Variants in ADGRF1 observed in about 807,000 individuals in gnomAD.
ADGRF1 encodes the protein G protein-coupled receptor 110.
ADGRF1 carries 85 observed loss-of-function variants against 87.2 expected under a neutral mutation model. The observed-to-expected ratio is 0.97, with a 90% CI of 0.82 to 1.17. The LOEUF is 1.17. Ranked by LOEUF, ADGRF1 falls within the 50% of genes most tolerant of loss-of-function variation. The pLI, the probability that ADGRF1 is intolerant of heterozygous loss-of-function variation, is 0.00. For synonymous variants in ADGRF1, 430 were observed against 408.8 expected, an observed-to-expected ratio of 1.05 and a Z score of -0.63; for missense variants, 1,169 against 1,077.2, an observed-to-expected ratio of 1.09 and a Z score of -1.19.
chr6:47,019,365 G>C, intron 7 of ADGRF1: 1 of 985,242 alleles, frequency 1.0e-6, no homozygotes, highest in Non-Finnish European at 1.2e-6. Context: ...AGAACAACAT[G>C]TTTATAGCAA....
intron 1 of ADGRF1, among the ~76,000 whole-genome samples, 194 bp from the exon 2 acceptor site, chr6:47,029,298 A>G (rs114699385): frequency 3.8e-4 from 58 of 152,110 alleles, no homozygotes; most frequent in African/African-American, 1.3e-3. Context: ...CATCATTACA[A>G]ACTTACTAGA....
intron 1 of ADGRF1, among the ~76,000 whole-genome samples, chr6:47,038,100 A>T (rs899150464): frequency 6.6e-6 from 1 of 152,138 alleles, no homozygotes; most frequent in Non-Finnish European, 1.5e-5. Flanking sequence ...ACCTCAGGTG[A>T]TTCACCCGCC....
In ADGRF1 at chr6:47,009,901, T is replaced by C. The variant is rs570355288; in HGVS notation, c.1534A>G (p.Asn512Asp). 8.1e-6 allele frequency: 13 copies of C among 1,614,096 alleles called. No homozygotes were observed. Among genetic ancestry groups the C allele is most frequent in the Admixed American group, 3.3e-5 (2 of 60,018 alleles). The part of the protein sequence containing the change: ...NGPVISTVIQ[N>D]YSINEVFLFF... Reference sequence around the variant, plus strand: ...AGGAAAACTTCATTTATGGAATAGTTTTGAATAACCGTGGATATCACAGGT... The same window carrying C: ...AGGAAAACTTCATTTATGGAATAGTCTTGAATAACCGTGGATATCACAGGT... Residue 512 changes from asparagine to aspartate, a missense_variant, in exon 11 of 15, where the codon AAC (asparagine) becomes GAC (aspartate). Coordinates refer to ENST00000371253, the MANE Select transcript of ADGRF1 (RefSeq NM_153840.4).
At chr6:47,008,847 A>G (rs905842388) in intron 11 of ADGRF1, 98 bp downstream of exon 11, 2 of 1,000,502 alleles carry the variant, frequency 2.0e-6, no homozygotes, top group Admixed American at 2.5e-5. Context: ...TGCTGGAGGC[A>G]GGGAGATGAG....
At chr6:47,003,930 T>C (rs927394901) in intron 13 of ADGRF1, among the ~76,000 whole-genome samples, 2 of 152,334 alleles carry the variant, frequency 1.3e-5, no homozygotes, top group Middle Eastern at 3.4e-3. Flanking sequence ...TTGCTCCTCC[T>C]GCATCAATGT....
Position 47,024,079 on chromosome 6 carries a change from T to C in ADGRF1, c.416A>G (p.Asn139Ser), listed in dbSNP as rs779070776. Reference sequence around the variant, plus strand: ...ACAGAAATTGACACTCTGGCTGAGGTTGTTGAGATGACATTCACAGCTTGG... The same window carrying C: ...ACAGAAATTGACACTCTGGCTGAGGCTGTTGAGATGACATTCACAGCTTGG... ...ALPSCECHLNNLSQSVNFCER... is the reference protein window; with the variant it reads ...ALPSCECHLNSLSQSVNFCER... The change falls in exon 5 of 15, where the codon AAC becomes AGC. Residue 139 changes from asparagine to serine, a missense_variant. Coordinates refer to ENST00000371253, the MANE Select transcript of ADGRF1 (RefSeq NM_153840.4). The C allele has an allele frequency of 6.2e-7, 1 of 1,614,002 alleles. No homozygotes were observed. Among genetic ancestry groups the C allele is most frequent in the Admixed American group, 1.7e-5 (1 of 60,000 alleles).
At chr6:47,012,789 A>C (rs1268311868) in intron 9 of ADGRF1, 3 of 984,632 alleles carry the variant, frequency 3.0e-6, no homozygotes, top group South Asian at 9.4e-5. Context: ...ATTTTTTTCG[A>C]GATGGAGTCT....
intron 7 of ADGRF1, chr6:47,020,221 T>A (rs925565072): frequency 8.0e-7 from 1 of 1,256,288 alleles, no homozygotes; most frequent in Non-Finnish European, 1.0e-6. Flanking sequence ...AGGCCAGATG[T>A]GGTGGCTCAT....
intron 1 of ADGRF1, among the ~76,000 whole-genome samples, chr6:47,032,091 T>C (rs1254959888): frequency 1.3e-5 from 2 of 152,076 alleles, no homozygotes; most frequent in Non-Finnish European, 2.9e-5. Context: ...GTTTTAAGTA[T>C]AGGAAAAACG....
At chr6:47,037,659 C>T (rs1780626256) in intron 1 of ADGRF1, among the ~76,000 whole-genome samples, 1 of 152,116 alleles carries the variant, frequency 6.6e-6, no homozygotes, top group Admixed American at 6.5e-5. Flanking sequence ...CACACACCAC[C>T]ACACCCAGCT....
At chr6:47,013,833 T>C (rs1197848433) in intron 9 of ADGRF1, 1 of 175,684 alleles carries the variant, frequency 5.7e-6, no homozygotes, top group Non-Finnish European at 1.1e-5. Flanking sequence ...ATCTGGTTGT[T>C]TAAAAGTGTG....
chr6:47,012,036 G>A lies in ADGRF1; in HGVS notation c.1087C>T (p.His363Tyr). Residue 363 changes from histidine to tyrosine, a missense_variant, in exon 10 of 15, where the codon CAT (histidine) becomes TAT (tyrosine). Transcript: ENST00000371253. The stretch of plus-strand genomic sequence containing the variant: ...ATTGTTGAATTGGACACCCTGAAAT[G>A]GCTGGCCAGTGACAGAGATGAAATA... ...SNISSLSLASHFRVSNSTMED... is the reference protein window; with the variant it reads ...SNISSLSLASYFRVSNSTMED... 1 of 1,613,952 alleles carries A rather than the reference G, an allele frequency of 6.2e-7. No individual in the cohort carries two copies. The highest frequency in any genetic ancestry group is 1.3e-5 in the African/African-American group (1 of 75,052).
At position 47,020,685 on chromosome 6, in the gene ADGRF1, G is replaced by A. The variant is rs375376228; in HGVS notation, c.611+46C>T. On this transcript the variant is annotated intron_variant, in intron 7 of 14. Coordinates refer to ENST00000371253, the MANE Select transcript of ADGRF1 (RefSeq NM_153840.4). Reference sequence around the variant, plus strand: ...CAGCACTCTGCCTTTTGCAGAACTGGTGCCCAATTCTGGGGATGCCCTTCT... The same window carrying A: ...CAGCACTCTGCCTTTTGCAGAACTGATGCCCAATTCTGGGGATGCCCTTCT... 6.9e-6 allele frequency: 11 copies of A among 1,602,192 alleles called. No homozygotes were observed. The African/African-American group carries it at 1.3e-4, about 20-fold the overall frequency.
intron 1 of ADGRF1, among the ~76,000 whole-genome samples, chr6:47,033,682 G>A (rs924734380): frequency 1.3e-5 from 2 of 152,252 alleles, no homozygotes; most frequent in Non-Finnish European, 2.9e-5. Context: ...AAAAGAATTA[G>A]GCAGGTGACC....
rs143842889 is a variant in ADGRF1, at chr6:47,025,998, C to T, written c.133G>A (p.Val45Ile). ...TGAAGCAGCAGCTGATATTCTTCGACTGGGCCTAAAGAGAGAAAGAGAGTC... is the reference window on the plus strand; with the variant it reads ...TGAAGCAGCAGCTGATATTCTTCGATTGGGCCTAAAGAGAGAAAGAGAGTC... Reference protein sequence around the residue: ...IVNKKKHLGPVEEYQLLLQVT... With the variant: ...IVNKKKHLGPIEEYQLLLQVT... The change falls in exon 4 of 15, where the codon GTC (valine) becomes ATC (isoleucine). Residue 45 changes from valine to isoleucine, a missense_variant. By Grantham distance (29) the Val-to-Ile change is conservative. Coordinates refer to ENST00000371253, the MANE Select transcript of ADGRF1 (RefSeq NM_153840.4). 6.9e-6 allele frequency: 11 copies of T among 1,598,044 alleles called. No individual in the cohort carries two copies. Among genetic ancestry groups the T allele is most frequent in the African/African-American group, 1.4e-5 (1 of 73,288 alleles).
Position 47,010,202 on chromosome 6 carries a change from G to C in ADGRF1, c.1233C>G (p.Ile411Met), listed in dbSNP as rs2113881865. The change falls in exon 11 of 15, where the codon ATC becomes ATG. Residue 411 changes from isoleucine to methionine, a missense_variant. Ile to Met is a conservative substitution (Grantham distance 10). Coordinates refer to ENST00000371253, the MANE Select transcript of ADGRF1 (RefSeq NM_153840.4). ...GAGCTGTCGGAGGCACCAGAGTGCT[G>C]ATGTTTTCTAATGTCTCTAGTAACC... ...SSRLLETLEN[I>M]STLVPPTALP... 3 of 1,614,100 alleles carry C rather than the reference G, an allele frequency of 1.9e-6. No homozygotes were observed. Among genetic ancestry groups the C allele is most frequent in the Non-Finnish European group, 2.5e-6 (3 of 1,179,994 alleles).
chr6:47,028,018 G>A (rs932349634), intron 2 of ADGRF1, among the ~76,000 whole-genome samples: 1 of 152,186 alleles, frequency 6.6e-6, no homozygotes, highest in Non-Finnish European at 1.5e-5. Context: ...GGCACAGGAG[G>A]TGGGGTCAGA....
intron 1 of ADGRF1, among the ~76,000 whole-genome samples, chr6:47,040,032 T>C (rs113629560): frequency 2.0e-5 from 3 of 152,090 alleles, no homozygotes; most frequent in African/African-American, 7.2e-5. Context: ...AGTCAAGAAA[T>C]CTGAAGGCCT....
chr6:46,998,635 AATCTGAGCT>A lies in ADGRF1; in HGVS notation c.*1578_*1586del, dbSNP rs1279525113. 5 of 152,352 alleles carry A rather than the reference AATCTGAGCT, an allele frequency of 3.3e-5. No homozygotes were observed. The highest frequency in any genetic ancestry group is 7.2e-5 in the African/African-American group (3 of 41,584). 9.4% of individuals were successfully genotyped at this position (152,352 alleles called of 1,614,324 possible). A position where few individuals can be genotyped will look rare whatever the true frequency, so the allele number is the denominator to read the frequency against. On this transcript the variant is annotated 3_prime_UTR_variant, in exon 15 of 15. Coordinates refer to ENST00000371253, the MANE Select transcript of ADGRF1 (RefSeq NM_153840.4). ...CATCCTAATTGTTGTGGTTCTGAGA[AATCTGAGCT>A]ATCTGAGCTATCTGAGAAATCTTCT...
Sources: gnomAD v4.1 joint callset for allele counts (sites outside exome capture counted in the v4.1 genomes callset) on GRCh38, gnomAD v4.1.1 for gene constraint, MANE v1.5 for transcripts, NCBI Gene and HGNC (gene_info 2026-07-23, HGNC 2026-07-21) for gene names.